The following PRKCA variants were observed in gnomAD, a reference collection of about 807,000 sequenced individuals.
PRKCA encodes protein kinase C alpha type.
A neutral mutation model predicts 87.0 loss-of-function variants in PRKCA; 27 were observed. The ratio of observed to expected loss-of-function variants is 0.31; its 90% CI spans 0.23 to 0.43. The LOEUF is 0.43. Ranked by LOEUF, PRKCA falls within the 20% of genes least tolerant of loss-of-function variation. PRKCA has a pLI of 1.00. For missense variants in PRKCA, 518 were observed against 852.3 expected, an observed-to-expected ratio of 0.61 and a Z score of 4.88; for synonymous variants, 329 against 311.1, an observed-to-expected ratio of 1.06 and a Z score of -0.61.
At chr17:66,512,078 C>G (rs2144176812) in intron 3 of PRKCA, among the ~76,000 whole-genome samples, 1 of 152,198 alleles carries the variant, frequency 6.6e-6, no homozygotes, top group Non-Finnish European at 1.5e-5. Flanking sequence ...AAATAGCTTC[C>G]TAGCTTGGCT....
intron 16 of PRKCA, among the ~76,000 whole-genome samples, chr17:66,791,093 A>C (rs1465849152): frequency 6.6e-6 from 1 of 150,678 alleles, no homozygotes; most frequent in Non-Finnish European, 1.5e-5. Context: ...GGTGTGCTGC[A>C]CCCATTAACT....
intron 2 of PRKCA, among the ~76,000 whole-genome samples, chr17:66,311,614 C>A (rs953639788): frequency 6.6e-6 from 1 of 152,088 alleles, no homozygotes; most frequent in Non-Finnish European, 1.5e-5. Context: ...GAGAGCCTGT[C>A]TCAAAAAACA....
intron 3 of PRKCA, among the ~76,000 whole-genome samples, chr17:66,504,997 C>G (rs78448426): frequency 6.6e-6 from 1 of 152,152 alleles, no homozygotes; most frequent in African/African-American, 2.4e-5. Flanking sequence ...AAACCACCCT[C>G]GGCACTTGCC....
chr17:66,437,006 G>T (rs181628832), intron 2 of PRKCA, among the ~76,000 whole-genome samples: 1 of 152,170 alleles, frequency 6.6e-6, no homozygotes, highest in Non-Finnish European at 1.5e-5. Flanking sequence ...TATGGGAACC[G>T]TGATGGGAGA....
At chr17:66,608,350 T>G (rs552604064) in intron 3 of PRKCA, among the ~76,000 whole-genome samples, 4 of 152,282 alleles carry the variant, frequency 2.6e-5, no homozygotes, top group Admixed American at 2.6e-4. Context: ...TCAGGAAAAC[T>G]TGGGGTTTCT....
At chr17:66,363,612 G>A (rs1166545610) in intron 2 of PRKCA, among the ~76,000 whole-genome samples, 1 of 152,246 alleles carries the variant, frequency 6.6e-6, no homozygotes, top group African/African-American at 2.4e-5. Context: ...TAATTACGCA[G>A]ACAATTAAGG....
chr17:66,738,246 A>G (rs1259218853), intron 10 of PRKCA, among the ~76,000 whole-genome samples: 4 of 152,248 alleles, frequency 2.6e-5, no homozygotes, highest in Non-Finnish European at 2.9e-5. Flanking sequence ...TCCCATGTCC[A>G]GTAAATATAT....
At chr17:66,372,146 C>T (rs893663085) in intron 2 of PRKCA, among the ~76,000 whole-genome samples, 6 of 152,158 alleles carry the variant, frequency 3.9e-5, no homozygotes, top group Non-Finnish European at 7.3e-5. Flanking sequence ...GTGTCTTCTG[C>T]ATCTGAGATC....
intron 5 of PRKCA, among the ~76,000 whole-genome samples, chr17:66,663,281 C>T (rs1244896838): frequency 6.6e-6 from 1 of 152,208 alleles, no homozygotes; most frequent in African/African-American, 2.4e-5. Context: ...TAGGGTGATT[C>T]AGCTACTTCA....
At chr17:66,768,845 T>G (rs1234018262) in intron 13 of PRKCA, among the ~76,000 whole-genome samples, 1 of 152,220 alleles carries the variant, frequency 6.6e-6, no homozygotes, top group Admixed American at 6.5e-5. Flanking sequence ...ATATGGTTTA[T>G]GGACACAAAC....
At chr17:66,685,386 G>C (rs1024727012) in intron 5 of PRKCA, among the ~76,000 whole-genome samples, 1 of 152,140 alleles carries the variant, frequency 6.6e-6, no homozygotes, top group Non-Finnish European at 1.5e-5. Context: ...CCATGCCTAT[G>C]TGTTTTATTT....
At chr17:66,623,382 T>C (rs1257615643) in intron 3 of PRKCA, among the ~76,000 whole-genome samples, 2 of 152,196 alleles carry the variant, frequency 1.3e-5, no homozygotes, top group African/African-American at 4.8e-5. Flanking sequence ...AGTAACTTCA[T>C]GTAATGGTGT....
At chr17:66,778,102 C>T in intron 14 of PRKCA, 1 of 985,454 alleles carries the variant, frequency 1.0e-6, no homozygotes, top group Non-Finnish European at 1.2e-6. Context: ...GAGCACCAGG[C>T]TCCAGCTCTC....
At chr17:66,533,395 C>T (rs1000938844) in intron 3 of PRKCA, among the ~76,000 whole-genome samples, 2 of 152,190 alleles carry the variant, frequency 1.3e-5, no homozygotes, top group African/African-American at 4.8e-5. Context: ...TACTGCATCC[C>T]TTTTTGGAGC....
chr17:66,306,265 T>G, intron 2 of PRKCA, 138 bp downstream of exon 2: 1 of 895,842 alleles, frequency 1.1e-6, no homozygotes, highest in Non-Finnish European at 1.7e-6. Context: ...GGCTGTAAAT[T>G]TGGGCCTTAA....
At chr17:66,517,858 A>G (rs938035140) in intron 3 of PRKCA, among the ~76,000 whole-genome samples, 2 of 152,210 alleles carry the variant, frequency 1.3e-5, no homozygotes, top group Admixed American at 6.5e-5. Flanking sequence ...CAGTTTACGC[A>G]TGAAAAGTCC....
intron 2 of PRKCA, among the ~76,000 whole-genome samples, chr17:66,340,328 C>T (rs528349835): frequency 2.9e-4 from 44 of 150,444 alleles, no homozygotes; most frequent in Non-Finnish European, 5.0e-4. Flanking sequence ...CAAGGGACTG[C>T]AGAATCCTGG....
chr17:66,538,552 T>C (rs1967870859), intron 3 of PRKCA, among the ~76,000 whole-genome samples: 1 of 152,066 alleles, frequency 6.6e-6, no homozygotes, highest in South Asian at 2.1e-4. Flanking sequence ...TATTTAAGAG[T>C]TGATAAAGAG....
In PRKCA at chr17:66,724,450, G is replaced by A. The variant is rs142693380; in HGVS notation, c.919-8238G>A. Among the ~76,000 whole-genome samples, 300 of 152,262 alleles carry A rather than the reference G, an allele frequency of 2.0e-3. 1 individual carries two copies. Among genetic ancestry groups the A allele is most frequent in the African/African-American group, 5.7e-3 (238 of 41,548 alleles). On this transcript the variant is annotated intron_variant, in intron 8 of 16. Transcript: ENST00000413366. ...GCTGCTCAGAGCCTGGTCCCCCACCGCTTTCTTTACCTAACTTGGAAATGA... is the reference window on the plus strand; with the variant it reads ...GCTGCTCAGAGCCTGGTCCCCCACCACTTTCTTTACCTAACTTGGAAATGA...
Sources: gnomAD v4.1 joint callset for allele counts (sites outside exome capture counted in the v4.1 genomes callset) on GRCh38, gnomAD v4.1.1 for gene constraint, MANE v1.5 for transcripts, NCBI Gene and HGNC (gene_info 2026-07-23, HGNC 2026-07-21) for gene names.